The following CCDC175 variants were observed in gnomAD, a reference collection of about 807,000 sequenced individuals.
CCDC175 encodes the protein coiled-coil domain containing 175.
Under a neutral mutation model 114.6 loss-of-function variants are expected in CCDC175, and 100 were observed. The observed-to-expected ratio is 0.87, with a 90% CI of 0.74 to 1.03. The LOEUF (loss-of-function observed/expected upper bound fraction) is 1.03. Ranked by LOEUF, CCDC175 falls within the 50% of genes least tolerant of loss-of-function variation. CCDC175 has a pLI of 0.00. For missense variants in CCDC175, 880 were observed against 917.8 expected, an observed-to-expected ratio of 0.96 and a Z score of 0.53; for synonymous variants, 306 against 308.7, an observed-to-expected ratio of 0.99 and a Z score of 0.09.
At chr14:59,539,351 G>A (rs1894616191) in intron 11 of CCDC175, among the ~76,000 whole-genome samples, 1 of 152,176 alleles carries the variant, frequency 6.6e-6, no homozygotes, top group South Asian at 2.1e-4. Flanking sequence ...GCCGAGGCGG[G>A]CAGATCACCT....
Position 59,561,229 on chromosome 14 carries a change from C to T in CCDC175, c.844-1G>A, listed in dbSNP as rs1023158079. On this transcript the variant is annotated splice_acceptor_variant, in intron 6 of 19. Coordinates refer to ENST00000537690, the MANE Select transcript of CCDC175 (RefSeq NM_001164399.2). LOFTEE classifies it high-confidence loss of function. ...TCTCTAAATTGTGATCACTAAGAAC[C>T]TATTAAAAATTAAACAAAAATATGG... is the stretch of plus-strand genomic sequence containing the variant. 7 of 1,511,804 alleles carry T rather than the reference C, an allele frequency of 4.6e-6. No individual in the cohort carries two copies. Among genetic ancestry groups the T allele is most frequent in the African/African-American group, 4.1e-5 (3 of 72,490 alleles). 93.6% of individuals were successfully genotyped at this position (1,511,804 alleles called of 1,614,324 possible).
chr14:59,506,282 T>C (rs995356531), intron 19 of CCDC175, among the ~76,000 whole-genome samples: 2 of 151,346 alleles, frequency 1.3e-5, no homozygotes, highest in Non-Finnish European at 2.9e-5. Context: ...GGGATTTTTT[T>C]TTTTTTTTCT....
intron 8 of CCDC175, among the ~76,000 whole-genome samples, chr14:59,546,723 C>T (rs756484926): frequency 1.2e-4 from 18 of 152,060 alleles, no homozygotes; most frequent in Admixed American, 9.2e-4. Context: ...AAGAGCTTCA[C>T]CCTTTGGAAG....
intron 14 of CCDC175, among the ~76,000 whole-genome samples, chr14:59,531,035 G>C (rs180736302): frequency 1.9e-4 from 29 of 151,960 alleles, no homozygotes; most frequent in Non-Finnish European, 5.9e-5. Flanking sequence ...AGCACTTTGG[G>C]AGGCCAAGGC....
At chr14:59,511,654 G>GTA (rs1892758273) in intron 18 of CCDC175, 106 bp downstream of exon 18, 2 of 864,510 alleles carry the variant, frequency 2.3e-6, no homozygotes, top group Non-Finnish European at 1.8e-6. Context: ...CCTGATGCGT[G>GTA]CATGCAGGTG....
intron 4 of CCDC175, 102 bp downstream of exon 4, chr14:59,568,143 G>A (rs1421562584): frequency 7.0e-5 from 82 of 1,173,820 alleles, no homozygotes; most frequent in Non-Finnish European, 8.7e-5. Flanking sequence ...CTCTCAACTC[G>A]CCCTGCCACA....
chr14:59,543,200 T>C (rs1240762253), intron 10 of CCDC175, 144 bp downstream of exon 10: 2 of 444,022 alleles, frequency 4.5e-6, no homozygotes, highest in Non-Finnish European at 7.9e-6. Flanking sequence ...GAGAGTGACT[T>C]CCAGACTGTG....
intron 14 of CCDC175, among the ~76,000 whole-genome samples, chr14:59,530,895 A>T (rs1363944077): frequency 6.6e-6 from 1 of 152,084 alleles, no homozygotes; most frequent in African/African-American, 2.4e-5. Context: ...TTCTTTCATC[A>T]TCTAGAAGAT....
intron 7 of CCDC175, among the ~76,000 whole-genome samples, chr14:59,555,803 C>G (rs1220350668): frequency 6.6e-6 from 1 of 152,186 alleles, no homozygotes; most frequent in Non-Finnish European, 1.5e-5. Flanking sequence ...AAATCACAAG[C>G]ATTCTTATAT....
intron 7 of CCDC175, among the ~76,000 whole-genome samples, chr14:59,559,940 C>A (rs1049223127): frequency 6.6e-6 from 1 of 152,100 alleles, no homozygotes; most frequent in Non-Finnish European, 1.5e-5. Flanking sequence ...AATAAAATTT[C>A]ATCAACGTAG....
At chr14:59,555,202 GA>G (rs1895807326) in intron 7 of CCDC175, among the ~76,000 whole-genome samples, 2 of 152,156 alleles carry the variant, frequency 1.3e-5, no homozygotes, top group Non-Finnish European at 2.9e-5. Flanking sequence ...GAACATCGAT[GA>G]AAAAATCCTC....
intron 7 of CCDC175, among the ~76,000 whole-genome samples, chr14:59,551,888 G>T (rs1895521759): frequency 6.6e-6 from 1 of 152,224 alleles, no homozygotes; most frequent in African/African-American, 2.4e-5. Flanking sequence ...AGCAGGCTGA[G>T]ATCCAACTGC....
intron 4 of CCDC175, 46 bp downstream of exon 4, chr14:59,568,199 G>A (rs1186164919): frequency 6.7e-7 from 1 of 1,486,624 alleles, no homozygotes; most frequent in Non-Finnish European, 8.9e-7. Context: ...TCCCACTCCA[G>A]CCTCAGACCC....
intron 7 of CCDC175, 94 bp from the exon 8 acceptor site, chr14:59,551,530 T>C (rs1407929794): frequency 7.2e-6 from 4 of 552,036 alleles, no homozygotes; most frequent in Non-Finnish European, 1.2e-5. Flanking sequence ...AGTATACAGC[T>C]CCCAGTGTGA....
intron 3 of CCDC175, among the ~76,000 whole-genome samples, chr14:59,572,206 G>C (rs1595085585): frequency 6.6e-6 from 1 of 152,304 alleles, no homozygotes; most frequent in South Asian, 2.1e-4. Context: ...CAGATGAATG[G>C]ATAAGGAAAT....
At chr14:59,576,104 G>A (rs1363321524) in intron 1 of CCDC175, among the ~76,000 whole-genome samples, 1 of 151,978 alleles carries the variant, frequency 6.6e-6, no homozygotes, top group Non-Finnish European at 1.5e-5. Context: ...ACTTTAACCT[G>A]GCCCTATCCA....
chr14:59,508,549 G>T (rs1892571965), intron 19 of CCDC175, among the ~76,000 whole-genome samples: 1 of 137,440 alleles, frequency 7.3e-6, no homozygotes, highest in South Asian at 2.3e-4. Flanking sequence ...GGGCAACAGG[G>T]TGAGAGGCCC....
chr14:59,537,830 T>A (rs1894500241), intron 13 of CCDC175, among the ~76,000 whole-genome samples, 193 bp downstream of exon 13: 1 of 152,134 alleles, frequency 6.6e-6, no homozygotes, highest in African/African-American at 2.4e-5. Flanking sequence ...TATTATTATT[T>A]TTTCTGAAAA....
chr14:59,557,709 T>C (rs971335371), intron 7 of CCDC175, among the ~76,000 whole-genome samples: 1 of 151,996 alleles, frequency 6.6e-6, no homozygotes, highest in African/African-American at 2.4e-5. Flanking sequence ...CATCTCCCCA[T>C]ATAACATATT....
Sources: gnomAD v4.1 joint callset for allele counts (sites outside exome capture counted in the v4.1 genomes callset) on GRCh38, gnomAD v4.1.1 for gene constraint, MANE v1.5 for transcripts, NCBI Gene and HGNC (gene_info 2026-07-23, HGNC 2026-07-21) for gene names.